NUDT4: variants seen among roughly 807,000 people sequenced by gnomAD.
The protein encoded by NUDT4 is nudix hydrolase 4.
Under a neutral mutation model 23.1 loss-of-function variants are expected in NUDT4, and 5 were observed. That is an observed-to-expected ratio of 0.22 (90% CI 0.11 to 0.46). NUDT4 has a LOEUF of 0.46. Ranked by LOEUF, NUDT4 falls within the 20% of genes least tolerant of loss-of-function variation. NUDT4 has a pLI of 0.99. For missense variants in NUDT4, 96 were observed against 211.6 expected (o/e 0.45, Z 3.39); for synonymous variants, 50 against 79.0 (o/e 0.63, Z 1.95).
In NUDT4 at chr12:93,406,495, T is replaced by G. The variant is rs1214213750; in HGVS notation, c.*7116T>G. 1.6e-4 allele frequency: 25 copies of G among 152,148 alleles called. No individual in the cohort carries two copies. The highest frequency in any genetic ancestry group is 1.6e-3 in the Admixed American group (25 of 15,264). The allele number at this position is 152,148 out of a possible 1,614,324, so 9.4% of individuals were successfully genotyped here. On this transcript the variant is annotated 3_prime_UTR_variant, in exon 5 of 5. Transcript: ENST00000415493. ...GTATTTAATCTTATTTTTAAGTGCTTCTTTGAAATTGTTTTACAAGTACAT... is the reference window on the plus strand; with the variant it reads ...GTATTTAATCTTATTTTTAAGTGCTGCTTTGAAATTGTTTTACAAGTACAT...
intron 3 of NUDT4, among the ~76,000 whole-genome samples, chr12:93,397,531 A>G (rs953250194): frequency 3.0e-4 from 44 of 148,418 alleles, no homozygotes; most frequent in African/African-American, 1.1e-3. Flanking sequence ...TATTTAATTT[A>G]TGTTTTTTTT....
chr12:93,396,001 G>A (rs1232106532), intron 3 of NUDT4, among the ~76,000 whole-genome samples: 2 of 152,354 alleles, frequency 1.3e-5, no homozygotes, highest in Admixed American at 6.5e-5. Context: ...TTACAGGCGT[G>A]AGCCACTGTG....
chr12:93,402,725 CATT>C lies in NUDT4; in HGVS notation c.*3350_*3352del, dbSNP rs1371510370. The C allele has an allele frequency of 2.8e-4, 42 of 152,224 alleles. No homozygotes were observed. The highest frequency in any genetic ancestry group is 9.9e-4 in the African/African-American group (41 of 41,546). 9.4% of individuals were successfully genotyped at this position (152,224 alleles called of 1,614,324 possible). On this transcript the variant is annotated 3_prime_UTR_variant, in exon 5 of 5. Coordinates refer to ENST00000415493, the MANE Select transcript of NUDT4 (RefSeq NM_019094.6). Reference sequence around the variant, plus strand: ...TCTCCCCACCCCCGTGGAGTTGTGTCATTATTTTAATGAATGTGAGCTCTTGAC... The same window carrying C: ...TCTCCCCACCCCCGTGGAGTTGTGTCATTTTAATGAATGTGAGCTCTTGAC...
chr12:93,380,184 G>C (rs1175058535), intron 1 of NUDT4, among the ~76,000 whole-genome samples: 39 of 152,122 alleles, frequency 2.6e-4, no homozygotes, highest in Non-Finnish European at 1.5e-5. Context: ...AAGTTTGGAA[G>C]CCTATCTGAA....
intron 1 of NUDT4, among the ~76,000 whole-genome samples, chr12:93,382,762 C>T (rs543676853): frequency 4.0e-4 from 60 of 149,168 alleles, no homozygotes; most frequent in African/African-American, 1.3e-3. Flanking sequence ...CTGCAAGCTC[C>T]GCCTTCCAGG....
At position 93,385,691 on chromosome 12, in the gene NUDT4, A is replaced by G. The variant is rs1465098762; in HGVS notation, c.99+7270A>G. Reference sequence around the variant, plus strand: ...GTGCGTTTAGAGTGAGTGTTGAAGAATAATGCATTGTGATAGGGTTCTAGA... The same window carrying G: ...GTGCGTTTAGAGTGAGTGTTGAAGAGTAATGCATTGTGATAGGGTTCTAGA... On this transcript the variant is annotated intron_variant, in intron 1 of 4. Transcript: ENST00000415493. Among the ~76,000 whole-genome samples, 3 of 151,988 alleles carry G rather than the reference A, an allele frequency of 2.0e-5. No individual in the cohort carries two copies. The East Asian group carries it at 5.8e-4, about 29-fold the overall frequency.
At position 93,378,139 on chromosome 12, in the gene NUDT4, CCCGCGTCGGAGCGG is replaced by C. The variant is rs1875322738; in HGVS notation, c.-179_-166del. 3.7e-6 allele frequency: 1 copy of C among 268,784 alleles called. No homozygotes were observed. Among genetic ancestry groups the C allele is most frequent in the African/African-American group, 2.3e-5 (1 of 44,422 alleles). 16.6% of individuals were successfully genotyped at this position (268,784 alleles called of 1,614,324 possible). On this transcript the variant is annotated 5_prime_UTR_variant, in exon 1 of 5. Transcript: ENST00000415493. ...TGACCCGCGCTAGCGTCCCGTCCCG[CCCGCGTCGGAGCGG>C]CCGCCGGCCCCGGGACTGACCGGCC...
At chr12:93,396,031 A>G (rs1322110519) in intron 3 of NUDT4, among the ~76,000 whole-genome samples, 1 of 152,168 alleles carries the variant, frequency 6.6e-6, no homozygotes, top group Admixed American at 6.5e-5. Context: ...CATCACTTTT[A>G]TATAGCATTA....
intron 3 of NUDT4, among the ~76,000 whole-genome samples, chr12:93,398,501 C>A (rs1877104250): frequency 6.6e-6 from 1 of 152,086 alleles, no homozygotes; most frequent in Non-Finnish European, 1.5e-5. Flanking sequence ...TGGGCAACAT[C>A]TCCAGACTTC....
chr12:93,391,490 G>T (rs1481626709), intron 1 of NUDT4, among the ~76,000 whole-genome samples: 2 of 151,784 alleles, frequency 1.3e-5, no homozygotes, highest in Non-Finnish European at 2.9e-5. Context: ...ACTTGAACCC[G>T]GGAGGCAGAG....
At chr12:93,389,302 G>A (rs1380601027) in intron 1 of NUDT4, among the ~76,000 whole-genome samples, 5 of 151,778 alleles carry the variant, frequency 3.3e-5, no homozygotes, top group African/African-American at 4.8e-5. Flanking sequence ...GAGAAACCCC[G>A]TCTCTACTAA....
At chr12:93,385,866 C>T (rs1450518389) in intron 1 of NUDT4, among the ~76,000 whole-genome samples, 2 of 146,462 alleles carry the variant, frequency 1.4e-5, no homozygotes, top group Non-Finnish European at 3.0e-5. Flanking sequence ...AAAAACCTTA[C>T]AATAAATTGT....
intron 1 of NUDT4, among the ~76,000 whole-genome samples, chr12:93,387,263 C>T (rs1275362298): frequency 6.6e-6 from 1 of 152,114 alleles, no homozygotes; most frequent in East Asian, 1.9e-4. Flanking sequence ...CTTTACAAAA[C>T]GTGTTTTTTC....
intron 1 of NUDT4, among the ~76,000 whole-genome samples, chr12:93,389,341 G>A (rs548594449): frequency 1.7e-4 from 26 of 152,076 alleles, no homozygotes; most frequent in African/African-American, 5.1e-4. Flanking sequence ...GCGTGGTGGC[G>A]CATGTCTGTA....
chr12:93,385,587 C>T (rs1196518848), intron 1 of NUDT4, among the ~76,000 whole-genome samples: 1 of 151,978 alleles, frequency 6.6e-6, no homozygotes, highest in Non-Finnish European at 1.5e-5. Context: ...TTTTATAACC[C>T]ATCTTTAGAG....
chr12:93,403,830 G>A lies in NUDT4; in HGVS notation c.*4451G>A, dbSNP rs1395683161. 2.0e-5 allele frequency: 3 copies of A among 152,160 alleles called. No homozygotes were observed. Among genetic ancestry groups the A allele is most frequent in the Non-Finnish European group, 4.4e-5 (3 of 68,036 alleles). The allele number at this position is 152,160 out of a possible 1,614,324, so 9.4% of individuals were successfully genotyped here. A position where few individuals can be genotyped will look rare whatever the true frequency, so the allele number is the denominator to read the frequency against. On this transcript the variant is annotated 3_prime_UTR_variant, in exon 5 of 5. Transcript: ENST00000415493. ...TAATACCTTCCTGACTGGTGCCACT[G>A]GCTAAATTCTAGCAGTACGATGAGA...
chr12:93,393,395 G>A (rs1421934465), intron 1 of NUDT4, among the ~76,000 whole-genome samples: 5 of 152,004 alleles, frequency 3.3e-5, no homozygotes, highest in African/African-American at 9.7e-5. Flanking sequence ...GAGCCACCAC[G>A]CCCGGCCACA....
rs540625370 is a variant in NUDT4, at chr12:93,377,964, G to C, written c.-359G>C. ...TGCTGCTCAGTGGGAGCGGGTCTTC[G>C]CAACTGTCTCCGCGTGGCGCGCGCC... is the stretch of plus-strand genomic sequence containing the variant. On this transcript the variant is annotated 5_prime_UTR_variant, in exon 1 of 5. Coordinates refer to ENST00000415493, the MANE Select transcript of NUDT4 (RefSeq NM_019094.6). 3.0e-3 allele frequency: 770 copies of C among 256,040 alleles called. 13 individuals are homozygous for C. The Admixed American group carries it at 0.031, about 10-fold the overall frequency. The allele number at this position is 256,040 out of a possible 1,614,324, so 15.9% of individuals were successfully genotyped here.
chr12:93,378,827 A>C, intron 1 of NUDT4: 1 of 985,076 alleles, frequency 1.0e-6, no homozygotes, highest in South Asian at 4.7e-5. Context: ...CCTCTTTTAC[A>C]TATTTTCCTT....
Sources: gnomAD v4.1 joint callset for allele counts (sites outside exome capture counted in the v4.1 genomes callset) on GRCh38, gnomAD v4.1.1 for gene constraint, MANE v1.5 for transcripts, NCBI Gene and HGNC (gene_info 2026-07-23, HGNC 2026-07-21) for gene names.